Variants in GRIK2 observed in about 807,000 individuals in gnomAD.
GRIK2 encodes the protein glutamate ionotropic receptor kainate type subunit 2, also known as glutamate receptor ionotropic, kainate 2.
A neutral mutation model predicts 100.3 loss-of-function variants in GRIK2; 32 were observed. The observed-to-expected ratio is 0.32, with a 90% CI of 0.24 to 0.43. The LOEUF (loss-of-function observed/expected upper bound fraction) is 0.43, where lower values mean the gene tolerates loss of function less well. GRIK2 is among the 20% of genes least tolerant of loss of function. GRIK2 has a pLI of 1.00. For synonymous variants in GRIK2, 417 were observed against 389.4 expected (o/e 1.07, Z -0.83); for missense variants, 843 against 1,114.9 (o/e 0.76, Z 3.47).
chr6:101,759,851 T>TTTTTTTTA (rs1176844863), intron 7 of GRIK2, among the ~76,000 whole-genome samples: 2 of 135,322 alleles, frequency 1.5e-5, no homozygotes, highest in Non-Finnish European at 3.0e-5. Context: ...CAGCATTTTA[T>TTTTTTTTA]TTTTTTTATT....
intron 7 of GRIK2, among the ~76,000 whole-genome samples, chr6:101,769,899 C>G (rs961073872): frequency 6.6e-6 from 1 of 152,180 alleles, no homozygotes; most frequent in Admixed American, 6.5e-5. Flanking sequence ...TTACCTTTGG[C>G]TACAGAGACC....
intron 10 of GRIK2, among the ~76,000 whole-genome samples, chr6:101,840,127 C>T (rs1783402427): frequency 2.0e-5 from 3 of 152,146 alleles, no homozygotes; most frequent in South Asian, 4.1e-4. Context: ...CTAAAACTTA[C>T]TGTATTCTGT....
chr6:101,828,490 C>T (rs1309460318), intron 10 of GRIK2, among the ~76,000 whole-genome samples: 3 of 151,640 alleles, frequency 2.0e-5, no homozygotes, highest in Non-Finnish European at 4.4e-5. Flanking sequence ...AAAGATGGGT[C>T]TTCGAAAGGA....
intron 2 of GRIK2, among the ~76,000 whole-genome samples, chr6:101,469,282 A>G (rs1322225961): frequency 1.3e-5 from 2 of 152,176 alleles, no homozygotes; most frequent in Admixed American, 1.3e-4. Flanking sequence ...ATGCAAATGA[A>G]AAAAAGGAAA....
intron 4 of GRIK2, among the ~76,000 whole-genome samples, chr6:101,643,602 T>C (rs1317896644): frequency 6.6e-6 from 1 of 151,744 alleles, no homozygotes; most frequent in Non-Finnish European, 1.5e-5. Context: ...ATGTCTGCCT[T>C]TGTGCCAGTA....
intron 7 of GRIK2, among the ~76,000 whole-genome samples, chr6:101,687,266 T>C (rs1321424289): frequency 6.6e-6 from 1 of 151,962 alleles, no homozygotes; most frequent in Non-Finnish European, 1.5e-5. Flanking sequence ...TGTCATGTTA[T>C]TTTTGAAAAT....
intron 2 of GRIK2, among the ~76,000 whole-genome samples, chr6:101,449,318 A>T (rs1770542549): frequency 6.6e-6 from 1 of 151,694 alleles, no homozygotes; most frequent in African/African-American, 2.4e-5. Context: ...TTTAATTTTT[A>T]AAAACAACTG....
At chr6:101,575,853 C>T (rs1410624861) in intron 2 of GRIK2, among the ~76,000 whole-genome samples, 2 of 151,878 alleles carry the variant, frequency 1.3e-5, no homozygotes, top group African/African-American at 4.8e-5. Flanking sequence ...TCCATTCATG[C>T]CCACACCTGG....
intron 2 of GRIK2, among the ~76,000 whole-genome samples, chr6:101,426,944 A>T (rs1011722105): frequency 8.5e-5 from 13 of 152,310 alleles, no homozygotes; most frequent in African/African-American, 3.1e-4. Context: ...TTAAAGGCCT[A>T]GTTTAAGGGT....
chr6:101,697,658 T>C (rs1179664045), intron 7 of GRIK2, among the ~76,000 whole-genome samples: 1 of 152,036 alleles, frequency 6.6e-6, no homozygotes, highest in African/African-American at 2.4e-5. Flanking sequence ...ATGCCTGTAG[T>C]AGAAGACTAT....
chr6:101,596,316 T>C (rs1226103877), intron 2 of GRIK2, among the ~76,000 whole-genome samples: 1 of 151,346 alleles, frequency 6.6e-6, no homozygotes, highest in Non-Finnish European at 1.5e-5. Flanking sequence ...ATATCTTTGC[T>C]AACAACCATC....
chr6:101,714,595 A>T (rs1206091720), intron 7 of GRIK2, among the ~76,000 whole-genome samples: 1 of 151,738 alleles, frequency 6.6e-6, no homozygotes, highest in Non-Finnish European at 1.5e-5. Flanking sequence ...AGATGTTCAC[A>T]CACAACTGCT....
chr6:101,553,626 A>G (rs960022826), intron 2 of GRIK2, among the ~76,000 whole-genome samples: 2 of 152,202 alleles, frequency 1.3e-5, no homozygotes, highest in African/African-American at 4.8e-5. Flanking sequence ...GCATTGACTT[A>G]GGTGATCTAT....
chr6:102,053,351 A>T (rs1582794655), intron 15 of GRIK2, among the ~76,000 whole-genome samples: 1 of 152,300 alleles, frequency 6.6e-6, no homozygotes, highest in East Asian at 1.9e-4. Flanking sequence ...ACCATGCTAG[A>T]TATAGCAAAT....
chr6:101,761,075 T>TCTAAA (rs1292915473), intron 7 of GRIK2, among the ~76,000 whole-genome samples: 1 of 152,132 alleles, frequency 6.6e-6, no homozygotes, highest in African/African-American at 2.4e-5. Context: ...TTCAAAGAAC[T>TCTAAA]CTAATATTGA....
intron 2 of GRIK2, among the ~76,000 whole-genome samples, chr6:101,493,453 G>C (rs1465050262): frequency 6.6e-6 from 1 of 152,004 alleles, no homozygotes; most frequent in Non-Finnish European, 1.5e-5. Flanking sequence ...TTAGTAAAAT[G>C]ATATCTTCAG....
At position 101,793,690 on chromosome 6, in the gene GRIK2, G is replaced by A. The variant is rs533496036; in HGVS notation, c.952-5958G>A. On this transcript the variant is annotated intron_variant, in intron 7 of 16. Transcript: ENST00000369134. ...ACCCAGTTGAGGAGGCAGTCTGCCCGTTCTCAGATCTCCAGCTGCCTGCTG... is the reference window on the plus strand; with the variant it reads ...ACCCAGTTGAGGAGGCAGTCTGCCCATTCTCAGATCTCCAGCTGCCTGCTG... Among the ~76,000 whole-genome samples, 452 of 152,286 alleles carry A rather than the reference G, an allele frequency of 3.0e-3. 3 individuals carry two copies. Among genetic ancestry groups the A allele is most frequent in the Admixed American group, 0.014 (214 of 15,304 alleles).
chr6:101,711,451 A>G (rs1773688858), intron 7 of GRIK2, among the ~76,000 whole-genome samples: 1 of 151,794 alleles, frequency 6.6e-6, no homozygotes, highest in South Asian at 2.1e-4. Flanking sequence ...CCATATACTT[A>G]CATATGATCT....
At chr6:101,847,038 C>A (rs1783853847) in intron 10 of GRIK2, among the ~76,000 whole-genome samples, 1 of 151,352 alleles carries the variant, frequency 6.6e-6, no homozygotes, top group Non-Finnish European at 1.5e-5. Flanking sequence ...TTCCTACCTG[C>A]AGGTTTAGTT....
Sources: gnomAD v4.1 joint callset for allele counts (sites outside exome capture counted in the v4.1 genomes callset) on GRCh38, gnomAD v4.1.1 for gene constraint, MANE v1.5 for transcripts, NCBI Gene and HGNC (gene_info 2026-07-23, HGNC 2026-07-21) for gene names.